ARHGEF10: variants seen among roughly 807,000 people sequenced by gnomAD.
ARHGEF10 encodes the protein Rho guanine nucleotide exchange factor (GEF) 10.
A neutral mutation model predicts 147.4 loss-of-function variants in ARHGEF10; 140 were observed. The ratio of observed to expected loss-of-function variants is 0.95; its 90% CI spans 0.83 to 1.09. The LOEUF is 1.09. Ranked by LOEUF, ARHGEF10 falls within the 50% of genes least tolerant of loss-of-function variation. ARHGEF10 has a pLI of 0.00. For synonymous variants in ARHGEF10, 902 were observed against 695.8 expected (o/e 1.30, Z -4.67); for missense variants, 2,222 against 1,752.7 (o/e 1.27, Z -4.78).
chr8:1,849,794 G>A (rs1266700184), intron 2 of ARHGEF10, among the ~76,000 whole-genome samples: 7 of 142,424 alleles, frequency 4.9e-5, no homozygotes, highest in African/African-American at 1.6e-4. Flanking sequence ...GCTGAGGAGG[G>A]CGTGGGCCGG....
Position 1,894,582 on chromosome 8 carries a change from C to G in ARHGEF10, c.1440+10C>G, listed in dbSNP as rs189787883. The stretch of plus-strand genomic sequence containing the variant: ...TGTCTTCGTGGCTTCGGTAATTAAG[C>G]TGGGACACCTGGATGTCCATGGGGC... On this transcript the variant is annotated intron_variant, in intron 13 of 28. Coordinates refer to ENST00000349830, the MANE Select transcript of ARHGEF10 (RefSeq NM_014629.4). 1.2e-6 allele frequency: 2 copies of G among 1,613,724 alleles called. No individual in the cohort carries two copies.
Position 1,957,048 on chromosome 8 carries a change from C to T in ARHGEF10, c.3820C>T (p.His1274Tyr), listed in dbSNP as rs759579008. Residue 1274 changes from histidine (H) to tyrosine (Y), a missense_variant, in exon 29 of 29, where the codon CAC (histidine) becomes TAC (tyrosine). Coordinates refer to ENST00000349830, the MANE Select transcript of ARHGEF10 (RefSeq NM_014629.4). Reference sequence around the variant, plus strand: ...GTCTCACGGCTCCAGCTCTCTAGAGCACAGATCAGAGGACAGCACCATCTA... The same window carrying T: ...GTCTCACGGCTCCAGCTCTCTAGAGTACAGATCAGAGGACAGCACCATCTA... Reference protein sequence around the residue: ...SLSHGSSSLEHRSEDSTIYDL... With the variant: ...SLSHGSSSLEYRSEDSTIYDL... 1.9e-6 allele frequency: 3 copies of T among 1,613,878 alleles called. No individual in the cohort carries two copies. Among genetic ancestry groups the T allele is most frequent in the Admixed American group, 3.3e-5 (2 of 60,020 alleles).
intron 17 of ARHGEF10, among the ~76,000 whole-genome samples, chr8:1,906,687 C>T (rs1447244452): frequency 3.9e-5 from 6 of 152,312 alleles, no homozygotes; most frequent in Admixed American, 2.0e-4. Context: ...ATTACCCTCT[C>T]TGACTTTGCC....
intron 3 of ARHGEF10, 99 bp downstream of exon 3, chr8:1,858,214 G>A: frequency 6.2e-6 from 7 of 1,128,738 alleles, no homozygotes; most frequent in Admixed American, 2.9e-5. Context: ...GTTCCCAGGT[G>A]AGTCCCCAGG....
rs1585691298 is a variant in ARHGEF10, at chr8:1,958,415, T to A, written c.*1152T>A. 1 of 152,212 alleles carries A rather than the reference T, an allele frequency of 6.6e-6. No homozygotes were observed. Among genetic ancestry groups the A allele is most frequent in the East Asian group, 1.9e-4 (1 of 5,196 alleles). The allele number at this position is 152,212 out of a possible 1,614,324, so 9.4% of individuals were successfully genotyped here. ...CCATCCTGCTGAACGTGTATTTCAG[T>A]GTTTCACTTACTGGACGGATAACAA... On this transcript the variant is annotated 3_prime_UTR_variant, in exon 29 of 29. Coordinates refer to ENST00000349830, the MANE Select transcript of ARHGEF10 (RefSeq NM_014629.4).
chr8:1,874,458 A>G (rs1473847145), intron 7 of ARHGEF10, among the ~76,000 whole-genome samples: 1 of 152,226 alleles, frequency 6.6e-6, no homozygotes, highest in African/African-American at 2.4e-5. Context: ...AATTGAGGTG[A>G]AAAAGGTAAC....
chr8:1,925,545 A>T, intron 22 of ARHGEF10, 141 bp downstream of exon 22: 1 of 1,207,698 alleles, frequency 8.3e-7, no homozygotes, highest in Non-Finnish European at 1.1e-6. Flanking sequence ...TCTAGAGGTC[A>T]TTTATCTGGA....
chr8:1,950,393 G>T (rs1814935296), intron 27 of ARHGEF10, among the ~76,000 whole-genome samples: 1 of 152,194 alleles, frequency 6.6e-6, no homozygotes, highest in Non-Finnish European at 1.5e-5. Flanking sequence ...ATGTTGATTG[G>T]CAGACTGCTT....
At chr8:1,934,955 C>G (rs1169199551) in intron 26 of ARHGEF10, among the ~76,000 whole-genome samples, 1 of 151,988 alleles carries the variant, frequency 6.6e-6, no homozygotes, top group Non-Finnish European at 1.5e-5. Flanking sequence ...ACAAAGATTT[C>G]TTATTAAACT....
intron 26 of ARHGEF10, among the ~76,000 whole-genome samples, chr8:1,943,432 T>C (rs996714485): frequency 6.6e-6 from 1 of 152,146 alleles, no homozygotes; most frequent in Admixed American, 6.5e-5. Context: ...CCTTCTCCTC[T>C]GTGACGCAGG....
chr8:1,857,875 G>GATCTATCTATCT lies in ARHGEF10; in HGVS notation c.38-82_38-81insTATCTATCTATC, dbSNP rs35711467. On this transcript the variant is annotated intron_variant, in intron 2 of 28. Transcript: ENST00000349830. ...TCAGTGTCTCTGGCTAACATAGATCGATCGATCTATCTATCTATCTATCTA... is the reference window on the plus strand; with the variant it reads ...TCAGTGTCTCTGGCTAACATAGATCGATCTATCTATCTATCGATCTATCTATCTATCTATCTA... 3.7e-3 allele frequency: 3,406 copies of GATCTATCTATCT among 918,338 alleles called. 13 individuals are homozygous for GATCTATCTATCT. Among genetic ancestry groups the GATCTATCTATCT allele is most frequent in the East Asian group, 6.5e-3 (235 of 35,928 alleles). 56.9% of individuals were successfully genotyped at this position (918,338 alleles called of 1,614,324 possible).
chr8:1,950,962 G>T (rs1035737019), intron 27 of ARHGEF10, among the ~76,000 whole-genome samples: 5 of 152,084 alleles, frequency 3.3e-5, no homozygotes, highest in Non-Finnish European at 5.9e-5. Flanking sequence ...TCACGCAGCC[G>T]CAGCCTTGCC....
At chr8:1,841,191 T>C (rs11136430) in intron 1 of ARHGEF10, among the ~76,000 whole-genome samples, 51,680 of 152,054 alleles carry the variant, frequency 0.34, 9,282 homozygotes, top group Non-Finnish European at 0.39. Context: ...GGTTTCTCCA[T>C]TGAAAAATAA....
rs1259504536 is a variant in ARHGEF10, at chr8:1,893,645, A to G, written c.1259A>G (p.Glu420Gly). The change falls in exon 12 of 29, where the codon GAG (glutamate) becomes GGG (glycine). Residue 420 changes from glutamate (E) to glycine (G), a missense_variant and splice_region_variant. By Grantham distance (98) the Glu-to-Gly change is moderately conservative. Coordinates refer to ENST00000349830, the MANE Select transcript of ARHGEF10 (RefSeq NM_014629.4). Reference protein sequence around the residue: ...NYVDALKRILEQYEKPLSEME... With the variant: ...NYVDALKRILGQYEKPLSEME... ...GTAGATGCTCTTAAGAGGATTTTGG[A>G]GGTACTTAAGTGTCGTGTTACATAA... 1 of 1,606,922 alleles carries G rather than the reference A, an allele frequency of 6.2e-7. No individual in the cohort carries two copies. The highest frequency in any genetic ancestry group is 1.1e-5 in the South Asian group (1 of 90,936).
At chr8:1,923,438 T>C in intron 19 of ARHGEF10, 30 bp from the exon 20 acceptor site, 1 of 1,614,174 alleles carries the variant, frequency 6.2e-7, no homozygotes. Context: ...TTAAACACTT[T>C]TGAAATGTGC....
chr8:1,850,254 A>G lies in ARHGEF10; in HGVS notation c.37+6818A>G, dbSNP rs182065954. Among the ~76,000 whole-genome samples, 12 of 125,606 alleles carry G rather than the reference A, an allele frequency of 9.6e-5. 2 individuals carry two copies. The East Asian group carries it at 2.5e-3, about 27-fold the overall frequency. The allele number at this position is 125,606 out of a possible 152,430, so 82.4% of individuals were successfully genotyped here. ...GGGCGTGGGGCAGTCGCGTGGACAC[A>G]GACGGCAAATGCTGAGGAGGGTGTG... On this transcript the variant is annotated intron_variant, in intron 2 of 28. Transcript: ENST00000349830.
At chr8:1,864,268 CTGAT>C (rs1311595593) in intron 4 of ARHGEF10, 101 bp from the exon 5 acceptor site, 5 of 1,149,440 alleles carry the variant, frequency 4.3e-6, no homozygotes, top group East Asian at 2.3e-5. Flanking sequence ...AGATAAGCCT[CTGAT>C]TGATAGGAAA....
chr8:1,926,380 G>A lies in ARHGEF10; in HGVS notation c.2614G>A (p.Glu872Lys). The A allele has an allele frequency of 6.2e-7, 1 of 1,613,486 alleles. No individual in the cohort carries two copies. The highest frequency in any genetic ancestry group is 1.1e-5 in the South Asian group (1 of 91,076). Residue 872 changes from glutamate to lysine, a missense_variant, in exon 23 of 29, where the codon GAA becomes AAA. Glu to Lys is a moderately conservative substitution (Grantham distance 56, BLOSUM62 1). Coordinates refer to ENST00000349830, the MANE Select transcript of ARHGEF10 (RefSeq NM_014629.4). ...GTTTGATTTTATTCCATTTTAGATT[G>A]AATGTGCTGCTTATAACCCTGAACC... The part of the protein sequence containing the change: ...MVAKQQEFKI[E>K]CAAYNPEPYL...
intron 1 of ARHGEF10, among the ~76,000 whole-genome samples, chr8:1,834,778 A>G (rs1055538984): frequency 6.6e-6 from 1 of 152,090 alleles, no homozygotes; most frequent in African/African-American, 2.4e-5. Context: ...TTATGTCTTG[A>G]GTTGGAACCT....
Sources: gnomAD v4.1 joint callset for allele counts (sites outside exome capture counted in the v4.1 genomes callset) on GRCh38, gnomAD v4.1.1 for gene constraint, MANE v1.5 for transcripts, NCBI Gene and HGNC (gene_info 2026-07-23, HGNC 2026-07-21) for gene names.